The following ZC3H12B variants were observed in gnomAD, a reference collection of about 807,000 sequenced individuals.
ZC3H12B encodes the protein zinc finger CCCH-type containing 12B, also known as probable ribonuclease ZC3H12B.
ZC3H12B carries 7 observed loss-of-function variants against 43.9 expected under a neutral mutation model. The observed-to-expected ratio is 0.16, with a 90% confidence interval of 0.09 to 0.30. The LOEUF is 0.30. Ranked by LOEUF, ZC3H12B falls within the 10% of genes least tolerant of loss-of-function variation. The pLI is 1.00. For synonymous variants in ZC3H12B, 222 were observed against 241.7 expected, an observed-to-expected ratio of 0.92 and a Z score of 0.76; for missense variants, 475 against 670.2, an observed-to-expected ratio of 0.71 and a Z score of 3.22.
chrX:65,101,430 CA>C, the ZC3H12B span, among the ~76,000 whole-genome samples: 5 of 110,826 alleles, frequency 4.5e-5, no homozygotes, highest in South Asian at 1.2e-3. Flanking sequence ...AAAAACCATT[CA>C]AAAAAATCAA....
the ZC3H12B span, among the ~76,000 whole-genome samples, chrX:65,251,410 T>C: frequency 3.6e-5 from 4 of 111,825 alleles, no homozygotes; most frequent in Non-Finnish European, 5.6e-5. Context: ...AGGATTGACT[T>C]GGCAATGCGG....
the ZC3H12B span, among the ~76,000 whole-genome samples, chrX:65,315,341 G>A: frequency 8.9e-6 from 1 of 111,772 alleles, no homozygotes; most frequent in Non-Finnish European, 1.9e-5. Context: ...CAGAAGAATG[G>A]GAGAAGAAAA....
At chrX:65,128,063 G>T in the ZC3H12B span, among the ~76,000 whole-genome samples, 2 of 111,721 alleles carry the variant, frequency 1.8e-5, no homozygotes, top group African/African-American at 6.5e-5. Flanking sequence ...TTCCTGTTAT[G>T]CTTCTGTGGT....
chrX:65,279,298 A>ATTT, the ZC3H12B span, among the ~76,000 whole-genome samples: 31 of 79,250 alleles, frequency 3.9e-4, no homozygotes, highest in African/African-American at 1.6e-3. Flanking sequence ...CCTTACCAGC[A>ATTT]TTTTTTTTTT....
At chrX:65,093,942 C>G in the ZC3H12B span, among the ~76,000 whole-genome samples, 2 of 111,070 alleles carry the variant, frequency 1.8e-5, no homozygotes, top group African/African-American at 6.6e-5. Flanking sequence ...GTATCCCCAC[C>G]CAAATATCAT....
the ZC3H12B span, among the ~76,000 whole-genome samples, chrX:65,161,395 C>G: frequency 9.0e-6 from 1 of 111,355 alleles, no homozygotes; most frequent in African/African-American, 3.3e-5. Context: ...GTGTGGGATT[C>G]TAAGTCTCTT....
the ZC3H12B span, among the ~76,000 whole-genome samples, chrX:65,056,010 C>G: frequency 9.0e-6 from 1 of 111,338 alleles, no homozygotes; most frequent in African/African-American, 3.3e-5. Flanking sequence ...AGCAGTCTAT[C>G]AATTTTGTTG....
chrX:65,432,280 G>A (rs1032323660), intron 3 of ZC3H12B, among the ~76,000 whole-genome samples: 38 of 111,537 alleles, frequency 3.4e-4, no homozygotes, highest in Admixed American at 3.3e-3. Flanking sequence ...TGGTAACTTG[G>A]TGACTTATGG....
chrX:65,503,618 C>CTTTTTTTT (rs201727012), exon 5 of ZC3H12B: 1 of 106,738 alleles, frequency 9.4e-6, no homozygotes, highest in African/African-American at 4.3e-5. Context: ...TTCTTTCTTT[C>CTTTTTTTT]TTTATTTTTT....
the ZC3H12B span, among the ~76,000 whole-genome samples, chrX:65,196,912 G>T: frequency 1.8e-5 from 2 of 111,994 alleles, no homozygotes; most frequent in Non-Finnish European, 3.8e-5. Flanking sequence ...GAATTAAAAG[G>T]ATAGCTCTTA....
chrX:65,220,555 A>C, the ZC3H12B span, among the ~76,000 whole-genome samples: 1 of 112,081 alleles, frequency 8.9e-6, no homozygotes, highest in African/African-American at 3.2e-5. Flanking sequence ...AGCTATTCTT[A>C]TATCAGACAA....
the ZC3H12B span, among the ~76,000 whole-genome samples, chrX:65,312,959 G>T: frequency 9.9e-5 from 11 of 111,607 alleles, no homozygotes; most frequent in Admixed American, 5.7e-4. Context: ...TCAGCTCACT[G>T]CAACCTCCGC....
the ZC3H12B span, among the ~76,000 whole-genome samples, chrX:65,338,014 C>T: frequency 2.4e-4 from 27 of 111,931 alleles, no homozygotes; most frequent in East Asian, 6.4e-3. Context: ...GATATTTACA[C>T]CATTTACACA....
At chrX:65,319,051 C>T in the ZC3H12B span, among the ~76,000 whole-genome samples, 1 of 111,152 alleles carries the variant, frequency 9.0e-6, no homozygotes, top group Non-Finnish European at 1.9e-5. Flanking sequence ...CCAGAGCTAG[C>T]AGAGCAGAGG....
At chrX:65,041,049 A>G in the ZC3H12B span, among the ~76,000 whole-genome samples, 4 of 112,619 alleles carry the variant, frequency 3.6e-5, no homozygotes, top group African/African-American at 6.5e-5. Flanking sequence ...AAGTGCTGGG[A>G]TTACAGGCGT....
chrX:65,495,190 C>T (rs934397850), intron 1 of ZC3H12B, among the ~76,000 whole-genome samples: 4 of 112,296 alleles, frequency 3.6e-5, no homozygotes, highest in Non-Finnish European at 7.5e-5. Context: ...CCTTTTGTTT[C>T]TTAAGTGCTT....
the ZC3H12B span, among the ~76,000 whole-genome samples, chrX:65,148,953 T>C: frequency 1.4e-3 from 154 of 111,830 alleles, 1 homozygote; most frequent in African/African-American, 4.9e-3. Context: ...TCTCTCTTTT[T>C]TTATTTTGTC....
At chrX:65,188,539 G>C in the ZC3H12B span, among the ~76,000 whole-genome samples, 1 of 110,422 alleles carries the variant, frequency 9.1e-6, no homozygotes, top group Admixed American at 9.7e-5. Context: ...TCTTATTACA[G>C]TTTGGATTTG....
chrX:65,134,916 C>T, the ZC3H12B span, among the ~76,000 whole-genome samples: 2 of 110,888 alleles, frequency 1.8e-5, no homozygotes, highest in African/African-American at 6.6e-5. Context: ...GCGGGAATCA[C>T]AAGGTGCTCA....
Sources: gnomAD v4.1 joint callset for allele counts (sites outside exome capture counted in the v4.1 genomes callset) on GRCh38, gnomAD v4.1.1 for gene constraint, MANE v1.5 for transcripts, NCBI Gene and HGNC (gene_info 2026-07-23, HGNC 2026-07-21) for gene names.